Variants in ANKFY1 observed in about 807,000 individuals in gnomAD.
ANKFY1 encodes the protein ankyrin repeat and FYVE domain-containing protein 1.
A neutral mutation model predicts 128.3 loss-of-function variants in ANKFY1; 47 were observed. That is an observed-to-expected ratio of 0.37 (90% CI 0.29 to 0.47). The LOEUF is 0.47. Among genes scored for constraint, ANKFY1 ranks in the 20% least tolerant of loss-of-function variants. The probability of loss-of-function intolerance (pLI) is 1.00; values close to 1 mark genes in which losing one functional copy is unlikely to be tolerated. For missense variants in ANKFY1, 1,222 were observed against 1,510.6 expected, an observed-to-expected ratio of 0.81 and a Z score of 3.17; for synonymous variants, 553 against 601.6, an observed-to-expected ratio of 0.92 and a Z score of 1.18.
At chr17:4,223,070 T>C in intron 3 of ANKFY1, 4 of 732,000 alleles carry the variant, frequency 5.5e-6, no homozygotes, top group South Asian at 4.5e-5. Flanking sequence ...ATATTTTCCA[T>C]GGGATTTTAA....
chr17:4,174,395 C>G lies in ANKFY1; in HGVS notation c.2776-339G>C, dbSNP rs76957896. 5.2e-3 allele frequency among the ~76,000 whole-genome samples: 790 copies of G among 152,106 alleles called. 6 individuals are homozygous for G. The highest frequency in any genetic ancestry group is 0.019 in the African/African-American group (770 of 41,474). On this transcript the variant is annotated intron_variant, in intron 19 of 24. Coordinates refer to ENST00000341657, the MANE Select transcript of ANKFY1 (RefSeq NM_001330063.2). ...GTGTCTACTGCTTGGAATAGGAAAGCCTGAAGGCAAAGGGGTTTGGTTGTA... is the reference window on the plus strand; with the variant it reads ...GTGTCTACTGCTTGGAATAGGAAAGGCTGAAGGCAAAGGGGTTTGGTTGTA...
chr17:4,171,569 C>T (rs1211161729), intron 22 of ANKFY1, among the ~76,000 whole-genome samples: 7 of 152,158 alleles, frequency 4.6e-5, no homozygotes, highest in East Asian at 3.8e-4. Context: ...TGCTAGAATG[C>T]GACAGGGCCA....
At chr17:4,189,073 C>T (rs188828844) in intron 11 of ANKFY1, among the ~76,000 whole-genome samples, 43 of 152,268 alleles carry the variant, frequency 2.8e-4, no homozygotes, top group African/African-American at 8.9e-4. Context: ...CAAATGCTAT[C>T]GCGGTAGGTT....
chr17:4,261,230 G>A (rs937556333), intron 1 of ANKFY1, among the ~76,000 whole-genome samples: 2 of 152,116 alleles, frequency 1.3e-5, no homozygotes, highest in Non-Finnish European at 2.9e-5. Context: ...GGCTCACACC[G>A]GCAATCCCAG....
intron 19 of ANKFY1, among the ~76,000 whole-genome samples, chr17:4,176,243 A>G (rs984560266): frequency 7.2e-5 from 11 of 152,188 alleles, no homozygotes; most frequent in Admixed American, 6.5e-4. Context: ...TCAGGTCACA[A>G]GGCTTTTCTA....
rs551848121 is a variant in ANKFY1 at position 4,164,201 on chromosome 17, C to A, written c.*3578G>T. The stretch of plus-strand genomic sequence containing the variant: ...GCCAAAAAAGAGCAAGTCATCAAGG[C>A]GAGCAGTCTCGACTCAAGACTCCCT... On this transcript the variant is annotated 3_prime_UTR_variant, in exon 25 of 25. Coordinates refer to ENST00000341657, the MANE Select transcript of ANKFY1 (RefSeq NM_001330063.2). The A allele has an allele frequency of 5.2e-5, 8 of 152,582 alleles. No homozygotes were observed. The highest frequency in any genetic ancestry group is 1.9e-4 in the African/African-American group (8 of 41,444). 9.5% of individuals were successfully genotyped at this position (152,582 alleles called of 1,614,324 possible). A position where few individuals can be genotyped will look rare whatever the true frequency, so the allele number is the denominator to read the frequency against.
In ANKFY1 at chr17:4,166,466, T is replaced by A. The variant is rs1179961604; in HGVS notation, c.*1313A>T. 6.5e-6 allele frequency: 1 copy of A among 152,688 alleles called. No homozygotes were observed. The highest frequency in any genetic ancestry group is 1.5e-5 in the Non-Finnish European group (1 of 68,046). The allele number at this position is 152,688 out of a possible 1,614,324, so 9.5% of individuals were successfully genotyped here. On this transcript the variant is annotated 3_prime_UTR_variant, in exon 25 of 25. Transcript: ENST00000341657. The stretch of plus-strand genomic sequence containing the variant: ...CGTGGTAGATGCTTCTCTTTAAATG[T>A]GCATTTTTTAGAAACTGGCCAAACC...
At chr17:4,262,525 G>C (rs372221713) in intron 1 of ANKFY1, among the ~76,000 whole-genome samples, 4 of 152,252 alleles carry the variant, frequency 2.6e-5, no homozygotes, top group East Asian at 3.9e-4. Flanking sequence ...GCCTCCCAAA[G>C]TGCTGAAATT....
intron 3 of ANKFY1, among the ~76,000 whole-genome samples, chr17:4,225,704 C>G (rs1248039398): frequency 6.6e-6 from 1 of 152,184 alleles, no homozygotes; most frequent in Non-Finnish European, 1.5e-5. Context: ...AGCAACTGCA[C>G]TGGATGAGTT....
chr17:4,225,769 ATAATT>A (rs1327967665), intron 3 of ANKFY1, among the ~76,000 whole-genome samples: 3 of 152,140 alleles, frequency 2.0e-5, no homozygotes, highest in African/African-American at 7.2e-5. Context: ...ATATATTTAT[ATAATT>A]TTTTTTTGAG....
chr17:4,247,489 C>T lies in ANKFY1; in HGVS notation c.11-5041G>A, dbSNP rs556232349. Among the ~76,000 whole-genome samples the T allele has an allele frequency of 6.6e-5, 10 of 152,210 alleles. No homozygotes were observed. The South Asian group carries it at 2.1e-3, about 32-fold the overall frequency. ...TGCTCCCCCACCCGGCAGCTTTTGT[C>T]GGGGGAAACCCAAAGGATCACTAAT... On this transcript the variant is annotated intron_variant, in intron 1 of 24. Coordinates refer to ENST00000341657, the MANE Select transcript of ANKFY1 (RefSeq NM_001330063.2).
intron 2 of ANKFY1, among the ~76,000 whole-genome samples, chr17:4,241,378 T>C (rs1461942604): frequency 6.6e-6 from 1 of 150,380 alleles, no homozygotes; most frequent in Non-Finnish European, 1.5e-5. Flanking sequence ...CTCCCGGGTT[T>C]ACGCCATTCT....
intron 7 of ANKFY1, among the ~76,000 whole-genome samples, chr17:4,205,612 G>A (rs562645215): frequency 1.3e-5 from 2 of 152,008 alleles, no homozygotes; most frequent in South Asian, 4.2e-4. Flanking sequence ...CGTGGTGGTG[G>A]GCACCTGTAG....
rs775820352 is a variant in ANKFY1, at chr17:4,195,478, G to A, written c.1104-7C>T. ...GGACACATGTAAAGGAGTCCTGCGGGATCCAAAAGAAGAGGGGTCAGTTCA... is the reference window on the plus strand; with the variant it reads ...GGACACATGTAAAGGAGTCCTGCGGAATCCAAAAGAAGAGGGGTCAGTTCA... On this transcript the variant is annotated splice_region_variant and splice_polypyrimidine_tract_variant and intron_variant, in intron 8 of 24. Coordinates refer to ENST00000341657, the MANE Select transcript of ANKFY1 (RefSeq NM_001330063.2). 8 of 1,613,480 alleles carry A rather than the reference G, an allele frequency of 5.0e-6. No individual in the cohort carries two copies. In the South Asian group the frequency reaches 8.8e-5, roughly 18 times the overall value.
intron 3 of ANKFY1, among the ~76,000 whole-genome samples, chr17:4,219,888 C>G (rs996683663): frequency 2.0e-5 from 3 of 152,088 alleles, no homozygotes; most frequent in African/African-American, 7.2e-5. Flanking sequence ...GTGGCGCGAT[C>G]TGAGCTCACT....
At chr17:4,179,517 A>T (rs1006558637) in intron 17 of ANKFY1, 18 of 656,104 alleles carry the variant, frequency 2.7e-5, no homozygotes, top group Non-Finnish European at 4.6e-5. Flanking sequence ...GAAAGAGCTG[A>T]AACAAATCTT....
chr17:4,201,324 G>A (rs777497190), intron 7 of ANKFY1, among the ~76,000 whole-genome samples: 39 of 152,254 alleles, frequency 2.6e-4, no homozygotes, highest in African/African-American at 7.5e-4. Context: ...GAGCCACTGC[G>A]CCCAGGCCGA....
chr17:4,240,064 C>CTTT (rs11290920), intron 2 of ANKFY1, among the ~76,000 whole-genome samples: 3 of 114,236 alleles, frequency 2.6e-5, no homozygotes, highest in African/African-American at 9.9e-5. Flanking sequence ...ATTAGCATGC[C>CTTT]TTTTTTTTTT....
chr17:4,181,704 C>G lies in ANKFY1; in HGVS notation c.2122-332G>C, dbSNP rs980533675. 3.9e-5 allele frequency among the ~76,000 whole-genome samples: 6 copies of G among 152,182 alleles called. No individual in the cohort carries two copies. Among genetic ancestry groups the G allele is most frequent in the Non-Finnish European group, 8.8e-5 (6 of 68,026 alleles). ...ATGCACCAACGGGTCCTCAGTAACA[C>G]ACACCTGCAATTAACAGGTAATCTC... On this transcript the variant is annotated intron_variant, in intron 15 of 24. Coordinates refer to ENST00000341657, the MANE Select transcript of ANKFY1 (RefSeq NM_001330063.2). This position sits in a 1 kb window ranked among gnomAD's most constrained non-coding sequence, Gnocchi z 4.9.
Sources: allele counts gnomAD v4.1 joint callset (sites outside exome capture counted in the v4.1 genomes callset), GRCh38; gene constraint gnomAD v4.1.1; non-coding constraint Gnocchi (gnomAD v3.1); transcripts MANE v1.5; gene names NCBI Gene and HGNC (gene_info 2026-07-23, HGNC 2026-07-21).